The following SGCD variants were observed in gnomAD, a reference collection of about 807,000 sequenced individuals.
SGCD encodes the protein delta-sarcoglycan.
Under a neutral mutation model 36.6 loss-of-function variants are expected in SGCD, and 18 were observed. The observed-to-expected ratio is 0.49, with a 90% CI of 0.34 to 0.73. SGCD has a LOEUF of 0.73. Among genes scored for constraint, SGCD ranks in the 30% least tolerant of loss-of-function variants. The pLI is 0.01. For missense variants in SGCD, 387 were observed against 346.7 expected (o/e 1.12, Z -0.92); for synonymous variants, 133 against 130.6 (o/e 1.02, Z -0.12).
intron 7 of SGCD, among the ~76,000 whole-genome samples, chr5:156,743,950 A>G (rs998522381): frequency 6.6e-6 from 1 of 152,146 alleles, no homozygotes; most frequent in African/African-American, 2.4e-5. Flanking sequence ...ATTTAAGCCA[A>G]TCTCTATAAT....
At chr5:156,006,300 CA>C (rs1413396060) in intron 1 of SGCD, among the ~76,000 whole-genome samples, 1 of 152,224 alleles carries the variant, frequency 6.6e-6, no homozygotes, top group Non-Finnish European at 1.5e-5. Context: ...TCTAGCTTGG[CA>C]TTGATTTTGA....
intron 1 of SGCD, among the ~76,000 whole-genome samples, chr5:156,025,398 T>C (rs542422214): frequency 2.0e-5 from 3 of 152,358 alleles, no homozygotes; most frequent in African/African-American, 4.8e-5. Context: ...AAAACTCAGA[T>C]GTGAGTGAGC....
intron 4 of SGCD, among the ~76,000 whole-genome samples, chr5:156,582,178 ATGT>A (rs1760290487): frequency 6.6e-6 from 1 of 152,172 alleles, no homozygotes; most frequent in Admixed American, 6.5e-5. Context: ...GTTGGAAGAA[ATGT>A]TGTTTTGTAT....
the SGCD span, among the ~76,000 whole-genome samples, chr5:155,824,260 C>T: frequency 3.9e-5 from 6 of 152,264 alleles, no homozygotes; most frequent in South Asian, 1.2e-3. Context: ...GATTCACATC[C>T]TAACATTTCA....
chr5:155,749,409 G>C, the SGCD span, among the ~76,000 whole-genome samples: 9 of 152,298 alleles, frequency 5.9e-5, no homozygotes, highest in African/African-American at 2.2e-4. Flanking sequence ...TCTGGCATAT[G>C]ATTATACAGT....
chr5:155,747,604 C>A, the SGCD span, among the ~76,000 whole-genome samples: 1 of 152,178 alleles, frequency 6.6e-6, no homozygotes, highest in Non-Finnish European at 1.5e-5. Context: ...GAACTGCCAG[C>A]TACAAAGTGG....
At chr5:156,397,136 C>T (rs1246588671) in intron 3 of SGCD, among the ~76,000 whole-genome samples, 1 of 152,214 alleles carries the variant, frequency 6.6e-6, no homozygotes. Flanking sequence ...GTTATATATT[C>T]AGTATCTGGA....
rs1335260666 is a variant in SGCD, at chr5:156,055,327, G to A, written c.-281-62551G>A. Among the ~76,000 whole-genome samples, 4 of 145,748 alleles carry A rather than the reference G, an allele frequency of 2.7e-5. 1 individual carries two copies. Among genetic ancestry groups the A allele is most frequent in the Non-Finnish European group, 6.2e-5 (4 of 64,784 alleles). On this transcript the variant is annotated intron_variant, in intron 1 of 9. Transcript: ENST00000517913. ...TGACTTATGTCTTTGACATCTATGCGGGTCACTTCTAAATTGGGTCTCTTC... is the reference window on the plus strand; with the variant it reads ...TGACTTATGTCTTTGACATCTATGCAGGTCACTTCTAAATTGGGTCTCTTC...
the SGCD span, among the ~76,000 whole-genome samples, chr5:155,730,473 G>GTGTGTGTGTT: frequency 6.6e-6 from 1 of 151,728 alleles, no homozygotes; most frequent in Admixed American, 6.6e-5. Flanking sequence ...GTGTGTGTGT[G>GTGTGTGTGTT]TGGCGAGGGG....
At chr5:156,068,782 C>T (rs1014379857) in intron 1 of SGCD, among the ~76,000 whole-genome samples, 5 of 151,806 alleles carry the variant, frequency 3.3e-5, no homozygotes, top group Admixed American at 2.6e-4. Flanking sequence ...TCTCCAGCAC[C>T]TGTTGTTTCC....
intron 3 of SGCD, among the ~76,000 whole-genome samples, chr5:156,423,921 TTA>T (rs1773547486): frequency 2.6e-5 from 4 of 152,012 alleles, no homozygotes; most frequent in African/African-American, 7.2e-5. Context: ...AATACAACTA[TTA>T]TCGTCATCAT....
chr5:156,483,006 C>G, intron 3 of SGCD, among the ~76,000 whole-genome samples: 1 of 151,854 alleles, frequency 6.6e-6, no homozygotes, highest in Admixed American at 6.6e-5. Flanking sequence ...TGTTTGTTCC[C>G]CCACTCCCCC....
chr5:156,358,037 C>T (rs1769579341), intron 3 of SGCD, among the ~76,000 whole-genome samples: 1 of 152,120 alleles, frequency 6.6e-6, no homozygotes, highest in African/African-American at 2.4e-5. Context: ...TTTGGATTGG[C>T]CGATGTATGG....
At chr5:155,826,556 G>C in the SGCD span, among the ~76,000 whole-genome samples, 5 of 152,136 alleles carry the variant, frequency 3.3e-5, no homozygotes, top group South Asian at 2.1e-4. Context: ...TTACATATTT[G>C]CATTTGGTGT....
intron 4 of SGCD, among the ~76,000 whole-genome samples, chr5:156,519,283 G>A (rs256829): frequency 0.16 from 24,033 of 151,870 alleles, 2,193 homozygotes; most frequent in Non-Finnish European, 0.2. Context: ...ACTGAATGAG[G>A]AAAAAGTTGA....
intron 2 of SGCD, among the ~76,000 whole-genome samples, chr5:156,118,953 AT>A (rs1177903745): frequency 6.6e-6 from 1 of 152,116 alleles, no homozygotes; most frequent in African/African-American, 2.4e-5. Context: ...TGCCCAGAGT[AT>A]TTTATGTTTT....
At chr5:156,756,266 A>G (rs773425170) in intron 7 of SGCD, among the ~76,000 whole-genome samples, 20 of 152,196 alleles carry the variant, frequency 1.3e-4, no homozygotes, top group Admixed American at 3.3e-4. Flanking sequence ...ATTAAAATCA[A>G]TTGGGTATGA....
chr5:156,640,292 T>A (rs966643022), intron 6 of SGCD, among the ~76,000 whole-genome samples: 6 of 152,168 alleles, frequency 3.9e-5, no homozygotes, highest in Non-Finnish European at 8.8e-5. Flanking sequence ...ATCTATATAT[T>A]GCTATACATC....
At chr5:156,201,800 A>G (rs1015120752) in intron 3 of SGCD, among the ~76,000 whole-genome samples, 1 of 151,726 alleles carries the variant, frequency 6.6e-6, no homozygotes, top group African/African-American at 2.4e-5. Context: ...TGGAGTTATT[A>G]TGACATTTGA....
Sources: allele counts gnomAD v4.1 joint callset (sites outside exome capture counted in the v4.1 genomes callset), GRCh38; gene constraint gnomAD v4.1.1; transcripts MANE v1.5; gene names NCBI Gene and HGNC (gene_info 2026-07-23, HGNC 2026-07-21).